The following PARD6G variants were observed in gnomAD, a reference collection of about 807,000 sequenced individuals.
PARD6G encodes the protein partitioning defective 6 homolog gamma.
A neutral mutation model predicts 10.7 loss-of-function variants in PARD6G; 7 were observed. The ratio of observed to expected loss-of-function variants is 0.66; its 90% CI spans 0.37 to 1.23. PARD6G has a LOEUF of 1.23. PARD6G is among the 50% of genes most tolerant of loss of function. The pLI, the probability that PARD6G is intolerant of heterozygous loss-of-function variation, is 0.02. For synonymous variants in PARD6G, 287 were observed against 269.4 expected (o/e 1.07, Z -0.64); for missense variants, 548 against 571.8 (o/e 0.96, Z 0.42).
intron 1 of PARD6G, among the ~76,000 whole-genome samples, chr18:80,224,559 C>T (rs1015134312): frequency 6.6e-6 from 1 of 152,106 alleles, no homozygotes; most frequent in African/African-American, 2.4e-5. Flanking sequence ...TGAAAGTGAC[C>T]GTCCAAGGCC....
At chr18:80,198,831 C>G (rs1400648345) in intron 2 of PARD6G, among the ~76,000 whole-genome samples, 6 of 152,230 alleles carry the variant, frequency 3.9e-5, no homozygotes. Context: ...ATCCAGGGGT[C>G]TGATCATCAG....
chr18:80,218,893 C>A (rs556752071), intron 1 of PARD6G, among the ~76,000 whole-genome samples: 8 of 152,344 alleles, frequency 5.3e-5, no homozygotes, highest in Admixed American at 3.3e-4. Flanking sequence ...ATGGAAGCTG[C>A]CAAGGCTTGG....
At chr18:80,202,075 C>G (rs1038635115) in intron 2 of PARD6G, 2 of 152,296 alleles carry the variant, frequency 1.3e-5, no homozygotes, top group African/African-American at 4.8e-5. Flanking sequence ...GCCATTTTCC[C>G]AATATCAAGC....
intron 2 of PARD6G, among the ~76,000 whole-genome samples, chr18:80,165,387 T>C (rs1265947365): frequency 6.6e-6 from 1 of 152,210 alleles, no homozygotes. Flanking sequence ...AGACAGACCT[T>C]ATGGTTGTCT....
At chr18:80,169,734 A>G (rs1366556220) in intron 2 of PARD6G, 1 of 152,218 alleles carries the variant, frequency 6.6e-6, no homozygotes, top group Non-Finnish European at 1.5e-5. Flanking sequence ...TTAGGTCACC[A>G]TGGAGAGGGG....
intron 2 of PARD6G, among the ~76,000 whole-genome samples, chr18:80,166,066 A>G (rs554279102): frequency 1.6e-3 from 248 of 152,288 alleles, no homozygotes; most frequent in Non-Finnish European, 2.9e-3. Flanking sequence ...CAAGAAGAGC[A>G]AAACTCCATC....
chr18:80,219,091 A>G (rs1967202084), intron 1 of PARD6G, among the ~76,000 whole-genome samples: 1 of 152,044 alleles, frequency 6.6e-6, no homozygotes, highest in Admixed American at 6.5e-5. Flanking sequence ...TGCCGTGAAG[A>G]CCTCTGACAT....
Position 80,160,246 on chromosome 18 carries a change from A to T in PARD6G, c.656T>A (p.Val219Glu). The T allele has an allele frequency of 4.3e-6, 7 of 1,612,116 alleles. No homozygotes were observed. Among genetic ancestry groups the T allele is most frequent in the Non-Finnish European group, 5.9e-6 (7 of 1,179,698 alleles). The change falls in exon 3 of 3, where the codon GTG (valine) becomes GAG (glutamate). Residue 219 changes from valine (V) to glutamate (E), a missense_variant. This residue lies in a region of PARD6G where 313 missense variants were observed against 279.9 expected (regional missense o/e 1.12). Coordinates refer to ENST00000353265, the MANE Select transcript of PARD6G (RefSeq NM_032510.4). Reference sequence around the variant, plus strand: ...CTTCCCGGCCACCTCAATGCCGTTCACCTCCAGGACCTCGTCATTCACAGC... The same window carrying T: ...CTTCCCGGCCACCTCAATGCCGTTCTCCTCCAGGACCTCGTCATTCACAGC... ...LLAVNDEVLE[V>E]NGIEVAGKTL...
At position 80,160,454 on chromosome 18, in the gene PARD6G, C is replaced by T; in HGVS notation, c.448G>A (p.Asp150Asn). 1.3e-6 allele frequency: 2 copies of T among 1,576,390 alleles called. No homozygotes were observed. Among genetic ancestry groups the T allele is most frequent in the Non-Finnish European group, 1.7e-6 (2 of 1,161,046 alleles). Residue 150 changes from aspartate to asparagine, a missense_variant, in exon 3 of 3, where the codon GAC becomes AAC. Transcript: ENST00000353265. ...FRPVSSIIDVDLVPETHRRVR... is the reference protein window; with the variant it reads ...FRPVSSIIDVNLVPETHRRVR... The stretch of plus-strand genomic sequence containing the variant: ...CGCCGGTGCGTCTCGGGGACCAGGT[C>T]CACATCGATGATGGATGATACGGGG...
In PARD6G at chr18:80,222,812, T is replaced by C. The variant is rs545392647; in HGVS notation, c.73-19880A>G. 3.9e-5 allele frequency among the ~76,000 whole-genome samples: 6 copies of C among 152,280 alleles called. No homozygotes were observed. In the South Asian group the frequency reaches 1.2e-3, roughly 32 times the overall value. On this transcript the variant is annotated intron_variant, in intron 1 of 2. Transcript: ENST00000353265. ...CCTTAGCCTCCCAAGTAGCTGGGAC[T>C]ACAGGTGCACGCCACCACATCTGGC...
intron 2 of PARD6G, among the ~76,000 whole-genome samples, chr18:80,193,743 G>A (rs756272689): frequency 5.9e-5 from 9 of 152,194 alleles, no homozygotes; most frequent in Non-Finnish European, 1.0e-4. Context: ...ATGTGGCTCC[G>A]AGTGGAACTG....
chr18:80,159,740 T>C lies in PARD6G; in HGVS notation c.*31A>G. 1 of 1,370,398 alleles carries C rather than the reference T, an allele frequency of 7.3e-7. No individual in the cohort carries two copies. 84.9% of individuals were successfully genotyped at this position (1,370,398 alleles called of 1,614,324 possible). A position where few individuals can be genotyped will look rare whatever the true frequency, so the allele number is the denominator to read the frequency against. ...CCTGTCCCTGTCCTTACCGGGGAACTGGAGCTAGGATTTGGGGGCCTCTCG... is the reference window on the plus strand; with the variant it reads ...CCTGTCCCTGTCCTTACCGGGGAACCGGAGCTAGGATTTGGGGGCCTCTCG... On this transcript the variant is annotated 3_prime_UTR_variant, in exon 3 of 3. Transcript: ENST00000353265.
rs547538551 is a variant in PARD6G, at chr18:80,222,822, C to T, written c.73-19890G>A. Among the ~76,000 whole-genome samples, 220 of 152,196 alleles carry T rather than the reference C, an allele frequency of 1.4e-3. 2 individuals carry two copies. Among genetic ancestry groups the T allele is most frequent in the Admixed American group, 3.6e-3 (55 of 15,296 alleles). On this transcript the variant is annotated intron_variant, in intron 1 of 2. Transcript: ENST00000353265. ...CCAAGTAGCTGGGACTACAGGTGCA[C>T]GCCACCACATCTGGCTAATTTTTGT...
At chr18:80,213,759 C>G (rs1190537624) in intron 1 of PARD6G, among the ~76,000 whole-genome samples, 1 of 151,338 alleles carries the variant, frequency 6.6e-6, no homozygotes, top group African/African-American at 2.4e-5. Context: ...GAGATCGAGA[C>G]CATCCTGGCT....
In PARD6G at chr18:80,159,810, TG is replaced by T; in HGVS notation, c.1091del (p.Pro364GlnfsTer28). 1 of 1,463,720 alleles carries T rather than the reference TG, an allele frequency of 6.8e-7. No homozygotes were observed. The highest frequency in any genetic ancestry group is 9.0e-7 in the Non-Finnish European group (1 of 1,113,334). The allele number at this position is 1,463,720 out of a possible 1,614,324, so 90.7% of individuals were successfully genotyped here. On this transcript the variant is annotated frameshift_variant, in exon 3 of 3. Transcript: ENST00000353265. LOFTEE classifies it high-confidence loss of function. ...ADPRHSLALP[P>X]GGVEEHGPAV... Reference sequence around the variant, plus strand: ...CGGGCCCGTGCTCCTCCACGCCGCCTGGCGGCAGCGCCAGGCTGTGACGGGG... The same window carrying T: ...CGGGCCCGTGCTCCTCCACGCCGCCTGCGGCAGCGCCAGGCTGTGACGGGG...
chr18:80,247,210 C>G lies in PARD6G; in HGVS notation c.72+67G>C, dbSNP rs558106425. On this transcript the variant is annotated intron_variant, in intron 1 of 2. Coordinates refer to ENST00000353265, the MANE Select transcript of PARD6G (RefSeq NM_032510.4). This position sits in a 1 kb window ranked among gnomAD's most constrained non-coding sequence, Gnocchi z 4.2. ...CCTCCACGCCGCCCCAGTCCCCCTC[C>G]GCGGGGCGCCCCATTCATTAGCCAG... The G allele has an allele frequency of 7.4e-6, 10 of 1,350,156 alleles. No individual in the cohort carries two copies. Among genetic ancestry groups the G allele is most frequent in the Non-Finnish European group, 9.1e-6 (9 of 985,970 alleles). The allele number at this position is 1,350,156 out of a possible 1,614,324, so 83.6% of individuals were successfully genotyped here. A position where few individuals can be genotyped will look rare whatever the true frequency, so the allele number is the denominator to read the frequency against.
At position 80,192,793 on chromosome 18, in the gene PARD6G, G is replaced by A. The variant is rs912144160; in HGVS notation, c.295+9917C>T. Among the ~76,000 whole-genome samples the A allele has an allele frequency of 4.6e-5, 7 of 152,222 alleles. No homozygotes were observed. The highest frequency in any genetic ancestry group is 9.6e-5 in the African/African-American group (4 of 41,538). Reference sequence around the variant, plus strand: ...ATTATCTCCTCCTCACAGTCCCCACGCTGTGGGCAGGGACCCTCCTGGCTC... The same window carrying A: ...ATTATCTCCTCCTCACAGTCCCCACACTGTGGGCAGGGACCCTCCTGGCTC... On this transcript the variant is annotated intron_variant, in intron 2 of 2. Transcript: ENST00000353265. This position sits in a 1 kb window ranked among gnomAD's most constrained non-coding sequence, Gnocchi z 4.9.
chr18:80,182,505 C>T lies in PARD6G; in HGVS notation c.295+20205G>A, dbSNP rs183044424. On this transcript the variant is annotated intron_variant, in intron 2 of 2. Transcript: ENST00000353265. The surrounding 1 kb of genome is among the most constrained non-coding windows in gnomAD (Gnocchi z 4.5). ...TTATTGCCAAGGAAGCCATCTTCCC[C>T]TGCTTTGACACCTCAACTGTGAATG... Among the ~76,000 whole-genome samples, 106 of 152,378 alleles carry T rather than the reference C, an allele frequency of 7.0e-4. No homozygotes were observed. Among genetic ancestry groups the T allele is most frequent in the African/African-American group, 2.4e-3 (101 of 41,588 alleles).
At chr18:80,210,014 CAGA>C (rs1214666188) in intron 1 of PARD6G, among the ~76,000 whole-genome samples, 1 of 152,040 alleles carries the variant, frequency 6.6e-6, no homozygotes, top group Non-Finnish European at 1.5e-5. Flanking sequence ...CTTTTCCTTC[CAGA>C]AGAAGGGATA....
Sources: allele counts gnomAD v4.1 joint callset (sites outside exome capture counted in the v4.1 genomes callset), GRCh38; gene constraint gnomAD v4.1.1; regional missense constraint gnomAD v4.1.1; non-coding constraint Gnocchi (gnomAD v3.1); transcripts MANE v1.5; gene names NCBI Gene and HGNC (gene_info 2026-07-23, HGNC 2026-07-21).